RBPMS: variants seen among roughly 807,000 people sequenced by gnomAD.
RBPMS encodes RNA binding protein, mRNA processing factor.
Under a neutral mutation model 26.8 loss-of-function variants are expected in RBPMS, and 7 were observed. The ratio of observed to expected loss-of-function variants is 0.26; its 90% CI spans 0.15 to 0.49. The LOEUF (loss-of-function observed/expected upper bound fraction) is 0.49, where lower values mean the gene tolerates loss of function less well. Among genes scored for constraint, RBPMS ranks in the 20% least tolerant of loss-of-function variants. The probability of loss-of-function intolerance (pLI) is 0.98; values close to 1 mark genes in which losing one functional copy is unlikely to be tolerated. For synonymous variants in RBPMS, 96 were observed against 93.3 expected (o/e 1.03, Z -0.17); for missense variants, 186 against 250.0 (o/e 0.74, Z 1.73).
chr8:30,562,884 G>C (rs1379852159), intron 7 of RBPMS, among the ~76,000 whole-genome samples: 1 of 151,982 alleles, frequency 6.6e-6, no homozygotes, highest in African/African-American at 2.4e-5. Flanking sequence ...TTATCTACTT[G>C]GACTTCTTAG....
At chr8:30,491,929 C>T (rs752056087) in intron 4 of RBPMS, among the ~76,000 whole-genome samples, 1 of 152,064 alleles carries the variant, frequency 6.6e-6, no homozygotes, top group South Asian at 2.1e-4. Flanking sequence ...TCGCTCTTGT[C>T]GCCCAGGCTG....
chr8:30,443,263 T>TA (rs1409360297), intron 1 of RBPMS, among the ~76,000 whole-genome samples: 3 of 152,214 alleles, frequency 2.0e-5, no homozygotes, highest in African/African-American at 7.2e-5. Context: ...AAGACTATTT[T>TA]AAATAGTTTT....
At chr8:30,457,962 T>G (rs1187515114) in intron 1 of RBPMS, among the ~76,000 whole-genome samples, 1 of 152,198 alleles carries the variant, frequency 6.6e-6, no homozygotes, top group African/African-American at 2.4e-5. Flanking sequence ...TATTCATCCC[T>G]CAGTATTTGT....
At chr8:30,557,376 G>A (rs527577976) in intron 6 of RBPMS, among the ~76,000 whole-genome samples, 10 of 152,266 alleles carry the variant, frequency 6.6e-5, no homozygotes, top group African/African-American at 2.4e-4. Context: ...AGACATCCCT[G>A]CTTTTAGAAT....
At chr8:30,389,194 A>T (rs1807482798) in intron 1 of RBPMS, among the ~76,000 whole-genome samples, 1 of 152,312 alleles carries the variant, frequency 6.6e-6, no homozygotes, top group East Asian at 1.9e-4. Context: ...TGCAATAAAC[A>T]TATATTTCAG....
At chr8:30,488,770 AT>A (rs1185390313) in intron 4 of RBPMS, among the ~76,000 whole-genome samples, 1 of 152,250 alleles carries the variant, frequency 6.6e-6, no homozygotes, top group Non-Finnish European at 1.5e-5. Flanking sequence ...AGTTTTATGT[AT>A]TTCTGCATAA....
chr8:30,516,741 A>G (rs982817512), intron 5 of RBPMS, among the ~76,000 whole-genome samples: 1 of 152,220 alleles, frequency 6.6e-6, no homozygotes, highest in Admixed American at 6.5e-5. Context: ...TAATACGTGT[A>G]TATAAAACCA....
intron 5 of RBPMS, among the ~76,000 whole-genome samples, chr8:30,505,848 T>C (rs1012586180): frequency 1.3e-5 from 2 of 152,222 alleles, no homozygotes; most frequent in African/African-American, 4.8e-5. Flanking sequence ...TCTTCTCTCT[T>C]GATCAAGGCA....
chr8:30,506,335 TTA>T (rs1491494564), intron 5 of RBPMS, among the ~76,000 whole-genome samples: 3 of 72,222 alleles, frequency 4.2e-5, no homozygotes, highest in African/African-American at 1.2e-4. Flanking sequence ...AATTTGAAGT[TTA>T]AAAAAAAAAA....
At chr8:30,547,462 T>G (rs776873849) in intron 6 of RBPMS, 1 of 1,575,160 alleles carries the variant, frequency 6.3e-7, no homozygotes, top group Non-Finnish European at 8.6e-7. Context: ...TCACAAAAAC[T>G]ATTTCTTGAC....
At chr8:30,567,230 G>A (rs540074956) in intron 8 of RBPMS, among the ~76,000 whole-genome samples, 3 of 152,304 alleles carry the variant, frequency 2.0e-5, no homozygotes, top group African/African-American at 7.2e-5. Flanking sequence ...TGGCCAAGGA[G>A]GTGGGGTCGC....
chr8:30,418,169 G>T (rs1460182693), intron 1 of RBPMS, among the ~76,000 whole-genome samples: 1 of 152,192 alleles, frequency 6.6e-6, no homozygotes, highest in African/African-American at 2.4e-5. Flanking sequence ...AGGCCGAATT[G>T]CTCTCTACAA....
intron 1 of RBPMS, among the ~76,000 whole-genome samples, chr8:30,447,429 G>A (rs762633751): frequency 1.4e-4 from 21 of 152,176 alleles, no homozygotes; most frequent in Middle Eastern, 3.2e-3. Flanking sequence ...GTGTGTAATA[G>A]TGCAATGTTT....
At chr8:30,516,903 TACAC>T (rs139256402) in intron 5 of RBPMS, among the ~76,000 whole-genome samples, 1 of 147,286 alleles carries the variant, frequency 6.8e-6, no homozygotes, top group African/African-American at 2.5e-5. Context: ...CATCTCTAAA[TACAC>T]ACACACACAC....
intron 1 of RBPMS, among the ~76,000 whole-genome samples, chr8:30,417,876 T>G (rs1435662852): frequency 6.6e-6 from 1 of 152,228 alleles, no homozygotes; most frequent in African/African-American, 2.4e-5. Flanking sequence ...TTCAACTATG[T>G]GTACTTTTGT....
chr8:30,494,036 C>T (rs940256364), intron 4 of RBPMS, among the ~76,000 whole-genome samples: 2 of 152,284 alleles, frequency 1.3e-5, no homozygotes, highest in East Asian at 1.9e-4. Context: ...CAGATACCTT[C>T]GAAGTATATC....
intron 1 of RBPMS, among the ~76,000 whole-genome samples, chr8:30,461,267 G>A (rs1376672516): frequency 6.6e-6 from 1 of 152,114 alleles, no homozygotes; most frequent in African/African-American, 2.4e-5. Flanking sequence ...TATAAAAAGT[G>A]ACTTGATAAC....
intron 1 of RBPMS, among the ~76,000 whole-genome samples, chr8:30,391,742 C>G (rs1215639995): frequency 6.6e-6 from 1 of 151,944 alleles, no homozygotes. Flanking sequence ...GTGGGAGGTC[C>G]TTGATATTAT....
intron 1 of RBPMS, 102 bp downstream of exon 1, chr8:30,385,260 A>T: frequency 1.3e-6 from 1 of 777,180 alleles, no homozygotes; most frequent in Non-Finnish European, 1.9e-6. Flanking sequence ...AGGTTCAGGC[A>T]TGGCCCGTGC....
Sources: allele counts gnomAD v4.1 joint callset (sites outside exome capture counted in the v4.1 genomes callset), GRCh38; gene constraint gnomAD v4.1.1; transcripts MANE v1.5; gene names NCBI Gene and HGNC (gene_info 2026-07-23, HGNC 2026-07-21).